FRAS1: variants seen among roughly 807,000 people sequenced by gnomAD.
FRAS1 encodes the protein extracellular matrix organizing protein FRAS1.
A neutral mutation model predicts 435.2 loss-of-function variants in FRAS1; 290 were observed. That is an observed-to-expected ratio of 0.67 (90% confidence interval 0.61 to 0.73). The LOEUF (loss-of-function observed/expected upper bound fraction) is 0.73, where lower values mean the gene tolerates loss of function less well. Ranked by LOEUF, FRAS1 falls within the 30% of genes least tolerant of loss-of-function variation. FRAS1 has a pLI of 0.00. For synonymous variants in FRAS1, 1,800 were observed against 1,851.0 expected (o/e 0.97, Z 0.71); for missense variants, 4,860 against 5,001.5 (o/e 0.97, Z 0.85).
In FRAS1 at chr4:78,387,591, C is replaced by T. The variant is rs767587376; in HGVS notation, c.3865C>T (p.Leu1289Phe). The part of the protein sequence containing the change: ...FQLDELSRGL[L>F]HYAHDGSDST... ...GCTGGATGAACTCTCTAGAGGCCTT[C>T]TCCACTATGCTCATGATGGTTCAGA... Residue 1289 changes from leucine to phenylalanine, a missense_variant, in exon 29 of 74, where the codon CTC becomes TTC. Transcript: ENST00000512123. 1 of 1,613,716 alleles carries T rather than the reference C, an allele frequency of 6.2e-7. No homozygotes were observed. Among genetic ancestry groups the T allele is most frequent in the Non-Finnish European group, 8.5e-7 (1 of 1,179,712 alleles).
chr4:78,444,811 G>A (rs1488333882), intron 41 of FRAS1, among the ~76,000 whole-genome samples: 8 of 152,100 alleles, frequency 5.3e-5, no homozygotes, highest in South Asian at 2.1e-4. Flanking sequence ...TGGGCATCTC[G>A]GTACCTGAAT....
rs534058628 is a variant in FRAS1, at chr4:78,072,735, G to A, written c.108+6719G>A. 1.7e-3 allele frequency among the ~76,000 whole-genome samples: 255 copies of A among 151,996 alleles called. 3 individuals carry two copies. The highest frequency in any genetic ancestry group is 3.8e-4 in the Non-Finnish European group (26 of 67,944). On this transcript the variant is annotated intron_variant, in intron 2 of 73. Transcript: ENST00000512123. Reference sequence around the variant, plus strand: ...GCCTCTGGTCTTTATTTTAAAATACGGAGTAATATGCTTTTAAATGGGGGA... The same window carrying A: ...GCCTCTGGTCTTTATTTTAAAATACAGAGTAATATGCTTTTAAATGGGGGA...
intron 2 of FRAS1, among the ~76,000 whole-genome samples, chr4:78,112,559 A>G (rs1226738750): frequency 6.6e-5 from 10 of 152,162 alleles, no homozygotes. Context: ...TTTGAACTCC[A>G]GAAATGGCTT....
At chr4:78,090,053 T>C (rs1741433138) in intron 2 of FRAS1, among the ~76,000 whole-genome samples, 1 of 140,880 alleles carries the variant, frequency 7.1e-6, no homozygotes, top group Admixed American at 7.3e-5. Flanking sequence ...ATGTAACAAA[T>C]GTCAGTGAAG....
chr4:78,361,976 C>G (rs1438203261), intron 20 of FRAS1, among the ~76,000 whole-genome samples: 2 of 152,162 alleles, frequency 1.3e-5, no homozygotes, highest in African/African-American at 4.8e-5. Context: ...GTAATTACCA[C>G]TTGAAAGCAG....
chr4:78,482,038 A>G, intron 57 of FRAS1, 74 bp downstream of exon 57: 1 of 1,459,604 alleles, frequency 6.9e-7, no homozygotes, highest in South Asian at 1.2e-5. Context: ...TTTGCTTCCC[A>G]AGCTCTCTAA....
At chr4:78,089,193 A>G (rs1452360271) in intron 2 of FRAS1, among the ~76,000 whole-genome samples, 1 of 148,874 alleles carries the variant, frequency 6.7e-6, no homozygotes, top group Non-Finnish European at 1.5e-5. Context: ...AAAACCAAAT[A>G]CCGCATGTTC....
intron 10 of FRAS1, among the ~76,000 whole-genome samples, chr4:78,279,335 C>T (rs1316553297): frequency 1.3e-5 from 2 of 152,320 alleles, no homozygotes; most frequent in Middle Eastern, 3.4e-3. Flanking sequence ...GTCTTTTACC[C>T]TGAGGCAAAT....
At chr4:78,446,049 G>A in intron 42 of FRAS1, 1 of 1,184,154 alleles carries the variant, frequency 8.4e-7, no homozygotes, top group East Asian at 3.8e-5. Flanking sequence ...GGTTCTATAT[G>A]CATATTTGCC....
At chr4:78,331,104 C>T (rs765008749) in intron 18 of FRAS1, among the ~76,000 whole-genome samples, 10 of 151,976 alleles carry the variant, frequency 6.6e-5, no homozygotes, top group Non-Finnish European at 1.5e-4. Flanking sequence ...ATGTGAATAT[C>T]GGGGCAGATT....
At chr4:78,143,484 G>A (rs1162153847) in intron 2 of FRAS1, among the ~76,000 whole-genome samples, 1 of 152,126 alleles carries the variant, frequency 6.6e-6, no homozygotes, top group Non-Finnish European at 1.5e-5. Flanking sequence ...TCTCATTGAT[G>A]TATAGTTCAT....
intron 2 of FRAS1, among the ~76,000 whole-genome samples, chr4:78,096,940 C>A (rs1382075572): frequency 6.6e-6 from 1 of 152,202 alleles, no homozygotes; most frequent in Non-Finnish European, 1.5e-5. Context: ...AAGGAGAAAT[C>A]TTTTCTATCG....
intron 2 of FRAS1, among the ~76,000 whole-genome samples, chr4:78,179,960 A>G (rs1721537177): frequency 6.6e-6 from 1 of 152,224 alleles, no homozygotes; most frequent in African/African-American, 2.4e-5. Flanking sequence ...ACTACTAATG[A>G]TATCACTATA....
At chr4:78,379,680 A>C (rs1731931526) in intron 26 of FRAS1, 46 bp from the exon 27 acceptor site, 1 of 1,563,596 alleles carries the variant, frequency 6.4e-7, no homozygotes, top group South Asian at 1.2e-5. Context: ...TGACCTAATT[A>C]GTGAAGGTAC....
intron 2 of FRAS1, among the ~76,000 whole-genome samples, chr4:78,193,868 G>C (rs1394672064): frequency 2.0e-5 from 3 of 152,126 alleles, no homozygotes; most frequent in Non-Finnish European, 4.4e-5. Context: ...TCCTAGCCTC[G>C]ATGGTCTTTA....
rs1264155903 is a variant in FRAS1 at position 78,057,854 on chromosome 4, G to T, written c.-156G>T. 5.4e-5 allele frequency: 35 copies of T among 646,220 alleles called. No homozygotes were observed. In the East Asian group the frequency reaches 9.5e-4, roughly 18 times the overall value. 40.0% of individuals were successfully genotyped at this position (646,220 alleles called of 1,614,324 possible). A position where few individuals can be genotyped will look rare whatever the true frequency, so the allele number is the denominator to read the frequency against. ...CGGCGCCTCCGGGCTGATGAGTGTC[G>T]CTCTCCGCCCGTCCATCTCTTTTTC... On this transcript the variant is annotated 5_prime_UTR_variant, in exon 1 of 74. Transcript: ENST00000512123. This position sits in a 1 kb window ranked among gnomAD's most constrained non-coding sequence, Gnocchi z 4.2.
chr4:78,133,142 A>T (rs1719759461), intron 2 of FRAS1, among the ~76,000 whole-genome samples: 1 of 152,220 alleles, frequency 6.6e-6, no homozygotes, highest in African/African-American at 2.4e-5. Flanking sequence ...ATGAATGGAT[A>T]CATAAAATTG....
intron 2 of FRAS1, chr4:78,071,507 A>C (rs1211102962): frequency 6.6e-6 from 1 of 152,202 alleles, no homozygotes; most frequent in Non-Finnish European, 1.5e-5. Flanking sequence ...CACTTGAATG[A>C]AATGAGGTCT....
At chr4:78,456,062 G>T (rs1271759802) in intron 47 of FRAS1, among the ~76,000 whole-genome samples, 1 of 151,806 alleles carries the variant, frequency 6.6e-6, no homozygotes, top group East Asian at 1.9e-4. Context: ...CCTCCAGCCA[G>T]CAGGAAGAAA....
Sources: allele counts gnomAD v4.1 joint callset (sites outside exome capture counted in the v4.1 genomes callset), GRCh38; gene constraint gnomAD v4.1.1; non-coding constraint Gnocchi (gnomAD v3.1); transcripts MANE v1.5; gene names NCBI Gene and HGNC (gene_info 2026-07-23, HGNC 2026-07-21).